TSNARE1: variants seen among roughly 807,000 people sequenced by gnomAD.
TSNARE1 encodes t-SNARE domain-containing protein 1.
A neutral mutation model predicts 62.0 loss-of-function variants in TSNARE1; 49 were observed. That is an observed-to-expected ratio of 0.79 (90% CI 0.63 to 1.00). The LOEUF (loss-of-function observed/expected upper bound fraction) is 1.00, where lower values mean the gene tolerates loss of function less well. TSNARE1 is among the 50% of genes least tolerant of loss of function. TSNARE1 has a pLI of 0.00. For synonymous variants in TSNARE1, 328 were observed against 294.4 expected, an observed-to-expected ratio of 1.11 and a Z score of -1.17; for missense variants, 755 against 700.1, an observed-to-expected ratio of 1.08 and a Z score of -0.88.
At chr8:142,379,145 G>A (rs1231498664) in intron 1 of TSNARE1, among the ~76,000 whole-genome samples, 2 of 152,184 alleles carry the variant, frequency 1.3e-5, no homozygotes, top group African/African-American at 2.4e-5. Flanking sequence ...CCCACCCCAC[G>A]TCAGCGCCTC....
chr8:142,217,984 CAG>C (rs1435767581), intron 13 of TSNARE1, among the ~76,000 whole-genome samples: 219 of 110,188 alleles, frequency 2.0e-3, no homozygotes, highest in African/African-American at 2.5e-3. Flanking sequence ...GATCAGGGCT[CAG>C]AGTATGAGCA....
intron 13 of TSNARE1, among the ~76,000 whole-genome samples, chr8:142,222,700 C>CCACT (rs768446851): frequency 0.7 from 47,818 of 68,534 alleles, 16,454 homozygotes; most frequent in East Asian, 0.8. Context: ...ACTCACTCAT[C>CCACT]CACTCACTCA....
At chr8:142,220,645 T>C (rs7464574) in intron 13 of TSNARE1, among the ~76,000 whole-genome samples, 136,228 of 152,124 alleles carry the variant, frequency 0.9, 61,075 homozygotes, top group Non-Finnish European at 0.92. Flanking sequence ...ACGTTATCTC[T>C]CAGGCTTCTG....
At chr8:142,382,819 G>A (rs1836864050) in intron 1 of TSNARE1, among the ~76,000 whole-genome samples, 1 of 152,260 alleles carries the variant, frequency 6.6e-6, no homozygotes, top group Non-Finnish European at 1.5e-5. Context: ...TGTGCGGAAG[G>A]CACTTTTCTG....
intron 12 of TSNARE1, among the ~76,000 whole-genome samples, chr8:142,255,117 G>A (rs569136660): frequency 1.8e-4 from 27 of 152,154 alleles, no homozygotes; most frequent in African/African-American, 4.6e-4. Flanking sequence ...CCCAGCGGCT[G>A]AAGGGGAGTG....
At chr8:142,313,314 G>A (rs1166447948) in intron 9 of TSNARE1, among the ~76,000 whole-genome samples, 2 of 151,740 alleles carry the variant, frequency 1.3e-5, no homozygotes, top group African/African-American at 4.9e-5. Flanking sequence ...ATCTGTGTCT[G>A]CATGTCTGTG....
At chr8:142,297,888 G>A (rs557505389) in intron 10 of TSNARE1, among the ~76,000 whole-genome samples, 27 of 152,116 alleles carry the variant, frequency 1.8e-4, no homozygotes, top group Non-Finnish European at 3.7e-4. Flanking sequence ...TTCCAAGAAC[G>A]ACTCCCACCC....
intron 4 of TSNARE1, among the ~76,000 whole-genome samples, chr8:142,340,578 G>A (rs539849692): frequency 3.3e-5 from 5 of 152,278 alleles, no homozygotes; most frequent in Admixed American, 6.5e-5. Flanking sequence ...AGGGTGAAAC[G>A]ACAAACTTTG....
rs541602753 is a variant in TSNARE1 at position 142,381,367 on chromosome 8, G to A, written c.-40+21737C>T. The stretch of plus-strand genomic sequence containing the variant: ...CCCACGGCCGGGCAGCAGGTGTCCA[G>A]GGAAGTGAGCTGCCCAACGCACTCC... On this transcript the variant is annotated intron_variant, in intron 1 of 13. Transcript: ENST00000524325. 9.8e-5 allele frequency among the ~76,000 whole-genome samples: 15 copies of A among 152,310 alleles called. 1 individual carries two copies. In the East Asian group the frequency reaches 2.7e-3, roughly 28 times the overall value.
Position 142,276,601 on chromosome 8 carries a change from T to C in TSNARE1, c.1364-1738A>G, listed in dbSNP as rs1040149531. The C allele has an allele frequency of 4.1e-6, 4 of 985,294 alleles. No homozygotes were observed. In the African/African-American group the frequency reaches 7.0e-5, roughly 17 times the overall value. The allele number at this position is 985,294 out of a possible 1,614,324, so 61.0% of individuals were successfully genotyped here. A position where few individuals can be genotyped will look rare whatever the true frequency, so the allele number is the denominator to read the frequency against. ...CACAGGTGGTGCTGGACAGGCCATG[T>C]GCCCTGGCTGGACACTTTCTCTGCC... is the stretch of plus-strand genomic sequence containing the variant. On this transcript the variant is annotated intron_variant, in intron 11 of 13. Coordinates refer to ENST00000524325, the MANE Select transcript of TSNARE1 (RefSeq NM_145003.5).
intron 1 of TSNARE1, among the ~76,000 whole-genome samples, chr8:142,367,535 G>A (rs1835642865): frequency 6.6e-6 from 1 of 151,658 alleles, no homozygotes; most frequent in Admixed American, 6.6e-5. Context: ...GAGGGGGAGG[G>A]GGACTAGGGA....
intron 12 of TSNARE1, among the ~76,000 whole-genome samples, chr8:142,264,733 A>G (rs978397391): frequency 7.9e-5 from 12 of 152,222 alleles, no homozygotes; most frequent in African/African-American, 1.2e-4. Flanking sequence ...TCTCTTTTGC[A>G]TAGCTTTTGA....
chr8:142,223,928 A>T (rs1286807574), intron 13 of TSNARE1, among the ~76,000 whole-genome samples: 2 of 152,076 alleles, frequency 1.3e-5, no homozygotes, highest in Non-Finnish European at 2.9e-5. Context: ...GGACAATGCC[A>T]CGTCCTGGCC....
chr8:142,253,406 G>A (rs941758674), intron 12 of TSNARE1, among the ~76,000 whole-genome samples: 3 of 152,204 alleles, frequency 2.0e-5, no homozygotes, highest in Admixed American at 6.5e-5. Flanking sequence ...CCACCCTGAG[G>A]GTGCAGTCAC....
At chr8:142,296,412 G>C (rs796724761) in intron 10 of TSNARE1, among the ~76,000 whole-genome samples, 5 of 132,628 alleles carry the variant, frequency 3.8e-5, no homozygotes, top group African/African-American at 1.4e-4. Context: ...TCATGGAGGA[G>C]AGGTGGTCAC....
intron 1 of TSNARE1, among the ~76,000 whole-genome samples, chr8:142,358,064 C>G (rs1260071146): frequency 2.6e-5 from 3 of 114,698 alleles, no homozygotes; most frequent in Non-Finnish European, 5.0e-5. Context: ...GCCATCACTG[C>G]AAAGGGCGGC....
intron 12 of TSNARE1, chr8:142,270,411 C>A (rs1404045917): frequency 3.0e-6 from 3 of 985,206 alleles, no homozygotes; most frequent in Non-Finnish European, 3.6e-6. Context: ...TAAAAAAATA[C>A]TTTTTGCAAG....
intron 10 of TSNARE1, among the ~76,000 whole-genome samples, chr8:142,296,561 C>T (rs1824788539): frequency 6.6e-6 from 1 of 151,986 alleles, no homozygotes. Context: ...GAGCCCACTA[C>T]TCCAGGCTCT....
At chr8:142,268,512 T>TA (rs1472053166) in intron 12 of TSNARE1, among the ~76,000 whole-genome samples, 1 of 152,192 alleles carries the variant, frequency 6.6e-6, no homozygotes, top group Non-Finnish European at 1.5e-5. Flanking sequence ...CCCGACACTC[T>TA]AGACTGTGCA....
Sources: allele counts gnomAD v4.1 joint callset (sites outside exome capture counted in the v4.1 genomes callset), GRCh38; gene constraint gnomAD v4.1.1; transcripts MANE v1.5; gene names NCBI Gene and HGNC (gene_info 2026-07-23, HGNC 2026-07-21).